The following UGT2B17 variants were observed in gnomAD, a reference collection of about 807,000 sequenced individuals.
UGT2B17 encodes the protein UDP glucuronosyltransferase family 2 member B17, also known as UDP-glucuronosyltransferase 2B17.
UGT2B17 carries 21 observed loss-of-function variants against 48.2 expected under a neutral mutation model. The ratio of observed to expected loss-of-function variants is 0.44; its 90% CI spans 0.31 to 0.63. The LOEUF (loss-of-function observed/expected upper bound fraction) is 0.63. UGT2B17 is among the 20% of genes least tolerant of loss of function. The pLI is 0.08. For missense variants in UGT2B17, 402 were observed against 696.1 expected (o/e 0.58, Z 4.75); for synonymous variants, 146 against 238.4 (o/e 0.61, Z 3.57).
At chr4:68,565,881 T>C (rs894345619) in intron 2 of UGT2B17, among the ~76,000 whole-genome samples, 161 bp from the exon 3 acceptor site, 1 of 119,568 alleles carries the variant, frequency 8.4e-6, no homozygotes, top group African/African-American at 2.8e-5. Context: ...ATTTATATAA[T>C]ATAATACATT....
Position 68,537,813 on chromosome 4 carries a change from T to C in UGT2B17, c.1405A>G (p.Met469Val). Residue 469 changes from methionine to valine, a missense_variant, in exon 7 of 7, where the codon ATG becomes GTG. Around this residue, in one of 5 missense-constraint regions of UGT2B17, gnomAD observed 156 missense variants for 258.6 expected, o/e 0.60. Transcript: ENST00000317746. ...AGGTGCTTGGCTCCTTTATGGCGCA[T>C]GACAAACTCAATCCAGAAGACTGCT... Reference protein sequence around the residue: ...DRAVFWIEFVMRHKGAKHLRV... With the variant: ...DRAVFWIEFVVRHKGAKHLRV... 1 of 1,379,774 alleles carries C rather than the reference T, an allele frequency of 7.2e-7. No homozygotes were observed. Among genetic ancestry groups the C allele is most frequent in the Non-Finnish European group, 9.5e-7 (1 of 1,055,032 alleles). 85.5% of individuals were successfully genotyped at this position (1,379,774 alleles called of 1,614,324 possible).
rs1386207210 is a variant in UGT2B17, at chr4:68,543,375, C to T, written c.1314-5471G>A. 1.6e-5 allele frequency among the ~76,000 whole-genome samples: 2 copies of T among 126,190 alleles called. 1 individual carries two copies. The highest frequency in any genetic ancestry group is 1.5e-3 in the East Asian group (2 of 1,322). The allele number at this position is 126,190 out of a possible 152,430, so 82.8% of individuals were successfully genotyped here. On this transcript the variant is annotated intron_variant, in intron 6 of 6. Transcript: ENST00000317746. ...CTCGAACAGACCTGCAGCTGAGGGT[C>T]CTGACTGTTAGAAGGAAAACTAACA...
intron 4 of UGT2B17, among the ~76,000 whole-genome samples, chr4:68,555,542 G>C (rs1247794536): frequency 1.6e-5 from 2 of 126,004 alleles, no homozygotes; most frequent in Non-Finnish European, 3.4e-5. Flanking sequence ...GCAAGATGGA[G>C]TTAGGTCAGA....
chr4:68,546,086 C>T lies in UGT2B17; in HGVS notation c.1313+4591G>A, dbSNP rs1424658181. On this transcript the variant is annotated intron_variant, in intron 6 of 6. Transcript: ENST00000317746. ...CTAACTCATTTTATGAGGCCAACATCATCCTGATACCAAAGCCTGGCAGGG... is the reference window on the plus strand; with the variant it reads ...CTAACTCATTTTATGAGGCCAACATTATCCTGATACCAAAGCCTGGCAGGG... Among the ~76,000 whole-genome samples the T allele has an allele frequency of 1.5e-4, 19 of 125,956 alleles. 2 individuals are homozygous for T. The highest frequency in any genetic ancestry group is 4.3e-4 in the African/African-American group (16 of 36,856). The allele number at this position is 125,956 out of a possible 152,430, so 82.6% of individuals were successfully genotyped here. A position where few individuals can be genotyped will look rare whatever the true frequency, so the allele number is the denominator to read the frequency against.
chr4:68,549,927 G>T (rs1388656989), intron 6 of UGT2B17, among the ~76,000 whole-genome samples: 4 of 125,246 alleles, frequency 3.2e-5, no homozygotes, highest in African/African-American at 1.1e-4. Flanking sequence ...ACATATCAAA[G>T]AATATTATAT....
chr4:68,537,340 CA>C lies in UGT2B17; in HGVS notation c.*284del, dbSNP rs1362257322. ...ACAATGTGTGAAACATAAGGAAGCTCAGTAACTTTTGTGTGGGGTAACTTTT... is the reference window on the plus strand; with the variant it reads ...ACAATGTGTGAAACATAAGGAAGCTCGTAACTTTTGTGTGGGGTAACTTTT... On this transcript the variant is annotated 3_prime_UTR_variant, in exon 7 of 7. Transcript: ENST00000317746. The C allele has an allele frequency of 3.8e-5, 7 of 184,320 alleles. No individual in the cohort carries two copies. Among genetic ancestry groups the C allele is most frequent in the Non-Finnish European group, 5.9e-5 (6 of 102,334 alleles). The allele number at this position is 184,320 out of a possible 1,614,324, so 11.4% of individuals were successfully genotyped here. A position where few individuals can be genotyped will look rare whatever the true frequency, so the allele number is the denominator to read the frequency against.
chr4:68,537,518 A>G lies in UGT2B17; in HGVS notation c.*107T>C. On this transcript the variant is annotated 3_prime_UTR_variant, in exon 7 of 7. Transcript: ENST00000317746. ...TGACTTAACAGGGTAAGTTGTGAAA[A>G]GACGTTTTGTCGCAGGAAAAAGGAA... The G allele has an allele frequency of 9.7e-7, 1 of 1,032,530 alleles. No homozygotes were observed. The highest frequency in any genetic ancestry group is 1.3e-6 in the Non-Finnish European group (1 of 798,670). The allele number at this position is 1,032,530 out of a possible 1,614,324, so 64.0% of individuals were successfully genotyped here.
rs1341333521 is a variant in UGT2B17, at chr4:68,576,078, G to A, written c.-192C>T. Among the ~76,000 whole-genome samples, 6 of 125,094 alleles carry A rather than the reference G, an allele frequency of 4.8e-5. 1 individual carries two copies. The highest frequency in any genetic ancestry group is 8.5e-5 in the Non-Finnish European group (5 of 59,164). The allele number at this position is 125,094 out of a possible 152,430, so 82.1% of individuals were successfully genotyped here. On this transcript the variant is annotated 5_prime_UTR_variant, in exon 1 of 7. Coordinates refer to ENST00000317746, the MANE Select transcript of UGT2B17 (RefSeq NM_001077.4). The stretch of plus-strand genomic sequence containing the variant: ...TTCCACTGGGGCAATTTCCTACCCA[G>A]GAGCGCTCTTTGGATCTCATCACTC...
At position 68,571,827 on chromosome 4, in the gene UGT2B17, G is replaced by T. The variant is rs188627930; in HGVS notation, c.-64-3279C>A. ...TTTTTAGTTTTTCCTGGAATCTCAG[G>T]TACTGGCACATTTAGTTCATCATAG... On this transcript the variant is annotated intron_variant, in intron 1 of 6. Transcript: ENST00000317746. Among the ~76,000 whole-genome samples the T allele has an allele frequency of 3.2e-5, 4 of 126,266 alleles. 2 individuals carry two copies. The East Asian group carries it at 3.0e-3, about 96-fold the overall frequency. The allele number at this position is 126,266 out of a possible 152,430, so 82.8% of individuals were successfully genotyped here.
At position 68,557,679 on chromosome 4, in the gene UGT2B17, A is replaced by G. The variant is rs1427791290; in HGVS notation, c.1005+2858T>C. On this transcript the variant is annotated intron_variant, in intron 4 of 6. Transcript: ENST00000317746. ...TGGAAACTATTTGTGAGTATTTTTT[A>G]CTTTTGTCAATACAGTTATTTGCAT... 3.9e-5 allele frequency among the ~76,000 whole-genome samples: 5 copies of G among 127,664 alleles called. 1 individual carries two copies. Among genetic ancestry groups the G allele is most frequent in the Admixed American group, 8.0e-5 (1 of 12,562 alleles). The allele number at this position is 127,664 out of a possible 152,430, so 83.8% of individuals were successfully genotyped here.
chr4:68,561,095 AT>A (rs1487852938), intron 3 of UGT2B17, among the ~76,000 whole-genome samples: 1 of 122,018 alleles, frequency 8.2e-6, no homozygotes, highest in African/African-American at 2.8e-5. Flanking sequence ...ATTTTATTTT[AT>A]TTTTTTCTGT....
rs1199079328 is a variant in UGT2B17 at position 68,548,733 on chromosome 4, A to G, written c.1313+1944T>C. ...AGGTCCTTCACGTACCTTGTTAGGCATATTCCTAGGTATTTTATTCTCTTT... is the reference window on the plus strand; with the variant it reads ...AGGTCCTTCACGTACCTTGTTAGGCGTATTCCTAGGTATTTTATTCTCTTT... On this transcript the variant is annotated intron_variant, in intron 6 of 6. Transcript: ENST00000317746. 1.6e-5 allele frequency among the ~76,000 whole-genome samples: 2 copies of G among 124,568 alleles called. 1 individual carries two copies. The highest frequency in any genetic ancestry group is 3.4e-5 in the Non-Finnish European group (2 of 59,172). The allele number at this position is 124,568 out of a possible 152,430, so 81.7% of individuals were successfully genotyped here.
In UGT2B17 at chr4:68,568,316, T is replaced by C. The variant is rs1310366015; in HGVS notation, c.169A>G (p.Thr57Ala). 1 of 1,378,904 alleles carries C rather than the reference T, an allele frequency of 7.3e-7. No individual in the cohort carries two copies. Among genetic ancestry groups the C allele is most frequent in the Non-Finnish European group, 9.5e-7 (1 of 1,054,854 alleles). 85.4% of individuals were successfully genotyped at this position (1,378,904 alleles called of 1,614,324 possible). A position where few individuals can be genotyped will look rare whatever the true frequency, so the allele number is the denominator to read the frequency against. Residue 57 changes from threonine (T) to alanine (A), a missense_variant, in exon 2 of 7, where the codon ACA (threonine) becomes GCA (alanine). Coordinates refer to ENST00000317746, the MANE Select transcript of UGT2B17 (RefSeq NM_001077.4). ...VQRGHEVIVL[T>A]SSASILVNAS... ...TTGACAAGAATAGAAGCCGAAGATG[T>C]CAACACAATCACCTCATGACCCCTC... is the stretch of plus-strand genomic sequence containing the variant.
rs1311560916 is a variant in UGT2B17, at chr4:68,570,151, C to T, written c.-64-1603G>A. ...AAGGGCTTTATTCAGCTGGGAGCAT[C>T]GGCAAGCTACTGCCTTAAAATCCAA... On this transcript the variant is annotated intron_variant, in intron 1 of 6. Coordinates refer to ENST00000317746, the MANE Select transcript of UGT2B17 (RefSeq NM_001077.4). Among the ~76,000 whole-genome samples, 10 of 126,732 alleles carry T rather than the reference C, an allele frequency of 7.9e-5. 4 individuals are homozygous for T. The South Asian group carries it at 2.4e-3, about 31-fold the overall frequency. 83.1% of individuals were successfully genotyped at this position (126,732 alleles called of 152,430 possible).
In UGT2B17 at chr4:68,551,891, G is replaced by A. The variant is rs766102418; in HGVS notation, c.1026C>T (p.Gly342=). ...IPQKVLWRFD[G]KKPNTLGSNT... ...TGGAACCTAAAGTATTTGGCTTCTT[G>A]CCATCAAATCTCCATAGAACCTGTT... Residue 342 remains glycine, a synonymous_variant, in exon 5 of 7, where the codon GGC becomes GGT. Coordinates refer to ENST00000317746, the MANE Select transcript of UGT2B17 (RefSeq NM_001077.4). The A allele has an allele frequency of 3.7e-6, 5 of 1,361,936 alleles. 1 individual carries two copies. The highest frequency in any genetic ancestry group is 3.5e-5 in the South Asian group (2 of 57,800). The allele number at this position is 1,361,936 out of a possible 1,614,324, so 84.4% of individuals were successfully genotyped here.
rs895962365 is a variant in UGT2B17 at position 68,570,019 on chromosome 4, C to G, written c.-64-1471G>C. ...CTACCCCTCCACCCCAGAGAGCAAG[C>G]CACAGCAACCAGACAAAGGAAACTC... On this transcript the variant is annotated intron_variant, in intron 1 of 6. Coordinates refer to ENST00000317746, the MANE Select transcript of UGT2B17 (RefSeq NM_001077.4). 3.2e-5 allele frequency among the ~76,000 whole-genome samples: 4 copies of G among 126,262 alleles called. 1 individual carries two copies. Among genetic ancestry groups the G allele is most frequent in the African/African-American group, 1.1e-4 (4 of 36,780 alleles). The allele number at this position is 126,262 out of a possible 152,430, so 82.8% of individuals were successfully genotyped here.
In UGT2B17 at chr4:68,567,267, G is replaced by T. The variant is rs551251894; in HGVS notation, c.724+494C>A. Among the ~76,000 whole-genome samples, 5 of 125,876 alleles carry T rather than the reference G, an allele frequency of 4.0e-5. 2 individuals are homozygous for T. The East Asian group carries it at 3.8e-3, about 95-fold the overall frequency. The allele number at this position is 125,876 out of a possible 152,430, so 82.6% of individuals were successfully genotyped here. On this transcript the variant is annotated intron_variant, in intron 2 of 6. Coordinates refer to ENST00000317746, the MANE Select transcript of UGT2B17 (RefSeq NM_001077.4). The stretch of plus-strand genomic sequence containing the variant: ...CAAGTTTTAGGCTTCTGTTTCTGGA[G>T]TAGAGCCACTATATTTCTCAACTGT...
chr4:68,568,213 A>G lies in UGT2B17; in HGVS notation c.272T>C (p.Met91Thr). 1 of 1,372,698 alleles carries G rather than the reference A, an allele frequency of 7.3e-7. No individual in the cohort carries two copies. Among genetic ancestry groups the G allele is most frequent in the Non-Finnish European group, 9.5e-7 (1 of 1,052,556 alleles). 85.0% of individuals were successfully genotyped at this position (1,372,698 alleles called of 1,614,324 possible). Residue 91 changes from methionine (M) to threonine (T), a missense_variant, in exon 2 of 7, where the codon ATG becomes ACG. Around this residue, in one of 5 missense-constraint regions of UGT2B17, gnomAD observed 84 missense variants for 92.6 expected, o/e 0.91. Coordinates refer to ENST00000317746, the MANE Select transcript of UGT2B17 (RefSeq NM_001077.4). The stretch of plus-strand genomic sequence containing the variant: ...ATATGTCCATCTATCGAACATTTTC[A>G]TAAAAAAATCTTCCAAATCATTTTT... ...LTKNDLEDFFMKMFDRWTYSI... is the reference protein window; with the variant it reads ...LTKNDLEDFFTKMFDRWTYSI...
intron 1 of UGT2B17, among the ~76,000 whole-genome samples, chr4:68,570,517 C>T (rs6817882): frequency 0.41 from 50,862 of 125,178 alleles, 18,660 homozygotes; most frequent in East Asian, 0.61. Flanking sequence ...GAGCATAAAA[C>T]AATATAAAAT....
Sources: allele counts gnomAD v4.1 joint callset (sites outside exome capture counted in the v4.1 genomes callset), GRCh38; gene constraint gnomAD v4.1.1; regional missense constraint gnomAD v4.1.1; transcripts MANE v1.5; gene names NCBI Gene and HGNC (gene_info 2026-07-23, HGNC 2026-07-21).